The following KCNJ3 variants were observed in gnomAD, a reference collection of about 807,000 sequenced individuals.
KCNJ3 encodes the protein potassium inwardly rectifying channel subfamily J member 3, also known as G protein-activated inward rectifier potassium channel 1.
KCNJ3 carries 4 observed loss-of-function variants against 39.2 expected under a neutral mutation model. The observed-to-expected ratio is 0.10, with a 90% CI of 0.05 to 0.23. The LOEUF is 0.23. Among genes scored for constraint, KCNJ3 ranks in the 10% least tolerant of loss-of-function variants. KCNJ3 has a pLI of 1.00. For synonymous variants in KCNJ3, 230 were observed against 237.4 expected (o/e 0.97, Z 0.29); for missense variants, 276 against 634.9 (o/e 0.43, Z 6.08).
intron 2 of KCNJ3, among the ~76,000 whole-genome samples, chr2:154,814,659 CAA>C (rs985469882): frequency 6.6e-6 from 1 of 151,876 alleles, no homozygotes; most frequent in Non-Finnish European, 1.5e-5. Flanking sequence ...ATAAATAAAA[CAA>C]AATAAAATAA....
chr2:154,833,848 TG>T (rs1048873094), intron 2 of KCNJ3, among the ~76,000 whole-genome samples: 16 of 152,252 alleles, frequency 1.1e-4, no homozygotes, highest in African/African-American at 3.4e-4. Flanking sequence ...GGTTCCTTCA[TG>T]TTTTTTTGTG....
At chr2:154,844,171 G>C (rs1017047632) in intron 2 of KCNJ3, among the ~76,000 whole-genome samples, 1 of 152,294 alleles carries the variant, frequency 6.6e-6, no homozygotes, top group Middle Eastern at 3.4e-3. Context: ...ATTCCTTTCT[G>C]TTTGTTAGTT....
chr2:154,737,809 T>C (rs764594474), intron 2 of KCNJ3, among the ~76,000 whole-genome samples: 1 of 152,106 alleles, frequency 6.6e-6, no homozygotes, highest in Non-Finnish European at 1.5e-5. Flanking sequence ...GTGGGGGTTA[T>C]CTTAAAGGTG....
chr2:154,791,490 G>T (rs754123516), intron 2 of KCNJ3, among the ~76,000 whole-genome samples: 1 of 151,984 alleles, frequency 6.6e-6, no homozygotes, highest in Non-Finnish European at 1.5e-5. Flanking sequence ...TATAAAACTT[G>T]TCTGAGTTCA....
rs1413371056 is a variant in KCNJ3, at chr2:154,856,955, G to C, written c.*1642G>C. On this transcript the variant is annotated 3_prime_UTR_variant, in exon 3 of 3. Transcript: ENST00000295101. Reference sequence around the variant, plus strand: ...TGTCAGTCATTAATTGCTAGTTTGGGCTCTCATTATTTCCTGTTTTTTAAC... The same window carrying C: ...TGTCAGTCATTAATTGCTAGTTTGGCCTCTCATTATTTCCTGTTTTTTAAC... 6.6e-6 allele frequency: 1 copy of C among 151,946 alleles called. No homozygotes were observed. Among genetic ancestry groups the C allele is most frequent in the Admixed American group, 6.6e-5 (1 of 15,252 alleles). The allele number at this position is 151,946 out of a possible 1,614,324, so 9.4% of individuals were successfully genotyped here.
At position 154,856,283 on chromosome 2, in the gene KCNJ3, T is replaced by C. The variant is rs1166037484; in HGVS notation, c.*970T>C. The C allele has an allele frequency of 6.6e-6, 1 of 152,560 alleles. No individual in the cohort carries two copies. Among genetic ancestry groups the C allele is most frequent in the African/African-American group, 2.4e-5 (1 of 41,448 alleles). 9.5% of individuals were successfully genotyped at this position (152,560 alleles called of 1,614,324 possible). ...ATGTTAATAGACAGTAGCCAAGTTA[T>C]ATTGAATATATCAGAATCTGTGTGA... On this transcript the variant is annotated 3_prime_UTR_variant, in exon 3 of 3. Transcript: ENST00000295101.
intron 2 of KCNJ3, among the ~76,000 whole-genome samples, chr2:154,833,959 T>G (rs1192715688): frequency 3.9e-5 from 6 of 152,142 alleles, no homozygotes. Flanking sequence ...GCTTCCAAGT[T>G]TGGGCAATTA....
At chr2:154,803,171 T>A (rs150898127) in intron 2 of KCNJ3, among the ~76,000 whole-genome samples, 1 of 152,160 alleles carries the variant, frequency 6.6e-6, no homozygotes, top group East Asian at 1.9e-4. Context: ...CAATAAAAAG[T>A]GTTTTAAAAT....
intron 2 of KCNJ3, among the ~76,000 whole-genome samples, chr2:154,802,297 G>A (rs1027293037): frequency 1.2e-4 from 18 of 151,980 alleles, no homozygotes; most frequent in African/African-American, 3.9e-4. Context: ...CCATAGATGG[G>A]AACATAGGTG....
chr2:154,724,462 A>G (rs904517613), intron 2 of KCNJ3, among the ~76,000 whole-genome samples: 1 of 152,140 alleles, frequency 6.6e-6, no homozygotes, highest in African/African-American at 2.4e-5. Flanking sequence ...GTATAGATAA[A>G]TCAACTTTTC....
At chr2:154,755,089 T>A (rs1685913632) in intron 2 of KCNJ3, among the ~76,000 whole-genome samples, 1 of 152,142 alleles carries the variant, frequency 6.6e-6, no homozygotes. Context: ...GATACCTCTC[T>A]TTTCATTACT....
chr2:154,825,875 G>GTTT (rs1343997724), intron 2 of KCNJ3, among the ~76,000 whole-genome samples: 1 of 134,460 alleles, frequency 7.4e-6, no homozygotes, highest in African/African-American at 2.7e-5. Context: ...CACTGCACCT[G>GTTT]TTTTTTTTTT....
intron 2 of KCNJ3, among the ~76,000 whole-genome samples, chr2:154,743,035 T>C (rs1360568359): frequency 6.6e-6 from 1 of 151,864 alleles, no homozygotes; most frequent in Non-Finnish European, 1.5e-5. Flanking sequence ...ATTTTGATTA[T>C]TTTTTGTGTA....
chr2:154,704,696 T>A (rs545195949), intron 1 of KCNJ3, among the ~76,000 whole-genome samples: 64 of 152,276 alleles, frequency 4.2e-4, no homozygotes, highest in African/African-American at 1.5e-3. Context: ...ACCTGACTAC[T>A]TAAATTTTGG....
intron 2 of KCNJ3, among the ~76,000 whole-genome samples, chr2:154,755,374 T>C (rs559461015): frequency 6.6e-6 from 1 of 152,082 alleles, no homozygotes; most frequent in East Asian, 1.9e-4. Context: ...GGTTTTCATT[T>C]GGATAAGTTT....
chr2:154,853,528 CTTAA>C (rs1241845286), intron 2 of KCNJ3, among the ~76,000 whole-genome samples: 1 of 151,890 alleles, frequency 6.6e-6, no homozygotes, highest in African/African-American at 2.4e-5. Context: ...TTAAATTACA[CTTAA>C]TTATTGAGGG....
chr2:154,798,815 A>T (rs1324744094), intron 2 of KCNJ3, among the ~76,000 whole-genome samples: 1 of 152,164 alleles, frequency 6.6e-6, no homozygotes. Flanking sequence ...TTTATAGCAC[A>T]CTGTTTTCAT....
intron 1 of KCNJ3, among the ~76,000 whole-genome samples, chr2:154,700,371 C>T (rs1447921725): frequency 6.6e-6 from 1 of 152,154 alleles, no homozygotes; most frequent in Non-Finnish European, 1.5e-5. Flanking sequence ...AAGAGAAGTC[C>T]TTCTTAATCA....
At chr2:154,838,008 T>A (rs1043933662) in intron 2 of KCNJ3, among the ~76,000 whole-genome samples, 1 of 152,210 alleles carries the variant, frequency 6.6e-6, no homozygotes, top group Non-Finnish European at 1.5e-5. Flanking sequence ...TAAATATTAT[T>A]ACTGATTGAT....
Sources: allele counts gnomAD v4.1 joint callset (sites outside exome capture counted in the v4.1 genomes callset), GRCh38; gene constraint gnomAD v4.1.1; transcripts MANE v1.5; gene names NCBI Gene and HGNC (gene_info 2026-07-23, HGNC 2026-07-21).